DGKI: variants seen among roughly 807,000 people sequenced by gnomAD.
DGKI encodes the protein diacylglycerol kinase iota.
A neutral mutation model predicts 147.5 loss-of-function variants in DGKI; 55 were observed. The ratio of observed to expected loss-of-function variants is 0.37; its 90% CI spans 0.30 to 0.47. The LOEUF (loss-of-function observed/expected upper bound fraction) is 0.47. Among genes scored for constraint, DGKI ranks in the 20% least tolerant of loss-of-function variants. The pLI is 1.00. For missense variants in DGKI, 1,007 were observed against 1,323.8 expected, an observed-to-expected ratio of 0.76 and a Z score of 3.71; for synonymous variants, 469 against 477.1, an observed-to-expected ratio of 0.98 and a Z score of 0.22.
rs200988778 is a variant in DGKI at position 137,623,717 on chromosome 7, T to TC, written c.805-164dup. ...AAAGGCCACATTGAGCACCACACTC[T>TC]CCACTTTCTGCCTGCAATGATTTTC... On this transcript the variant is annotated intron_variant, in intron 6 of 32. Coordinates refer to ENST00000614521, the MANE Select transcript of DGKI (RefSeq NM_001321708.2). Among the ~76,000 whole-genome samples, 1,318 of 152,248 alleles carry TC rather than the reference T, an allele frequency of 8.7e-3. 24 individuals are homozygous for TC. Among genetic ancestry groups the TC allele is most frequent in the African/African-American group, 0.03 (1,243 of 41,528 alleles).
intron 23 of DGKI, among the ~76,000 whole-genome samples, chr7:137,478,628 T>G (rs1468100915): frequency 1.3e-5 from 2 of 152,198 alleles, no homozygotes; most frequent in African/African-American, 2.4e-5. Context: ...AAGGATTCCT[T>G]GATTCAGGGG....
intron 12 of DGKI, among the ~76,000 whole-genome samples, chr7:137,587,749 C>T (rs762428935): frequency 6.6e-6 from 1 of 152,082 alleles, no homozygotes; most frequent in Non-Finnish European, 1.5e-5. Flanking sequence ...TAAATGGTTG[C>T]CCTCTATAGT....
At chr7:137,403,926 A>G (rs1042539333) in intron 30 of DGKI, among the ~76,000 whole-genome samples, 1 of 152,204 alleles carries the variant, frequency 6.6e-6, no homozygotes, top group African/African-American at 2.4e-5. Flanking sequence ...TAAAAATACA[A>G]TGCCATAGTC....
At chr7:137,424,115 T>G (rs1812687358) in intron 28 of DGKI, among the ~76,000 whole-genome samples, 1 of 152,188 alleles carries the variant, frequency 6.6e-6, no homozygotes, top group Non-Finnish European at 1.5e-5. Context: ...ATTAAGCATT[T>G]TATTTCAGAA....
intron 18 of DGKI, among the ~76,000 whole-genome samples, chr7:137,572,208 G>A (rs1818817204): frequency 3.3e-5 from 5 of 152,154 alleles, no homozygotes; most frequent in Admixed American, 3.3e-4. Context: ...CATAATTTAT[G>A]CCACTGAGAT....
chr7:137,557,914 C>T (rs1163950634), intron 19 of DGKI, among the ~76,000 whole-genome samples: 1 of 152,196 alleles, frequency 6.6e-6, no homozygotes, highest in African/African-American at 2.4e-5. Context: ...ATAACACCAT[C>T]TTCTCTCGCT....
At chr7:137,466,169 C>T (rs932505727) in intron 25 of DGKI, 134 bp from the exon 26 acceptor site, 12 of 1,084,224 alleles carry the variant, frequency 1.1e-5, no homozygotes, top group Non-Finnish European at 1.5e-5. Context: ...TGGTGATCCT[C>T]CCCAAAGCTG....
rs1456889630 is a variant in DGKI, at chr7:137,387,948, G to T, written c.*3272C>A. On this transcript the variant is annotated 3_prime_UTR_variant, in exon 33 of 33. Coordinates refer to ENST00000614521, the MANE Select transcript of DGKI (RefSeq NM_001321708.2). ...CACTAGGTCCAGATGAAAATGAAGT[G>T]ATGTTGAGTAGCTCCCAGCACAGGC... The T allele has an allele frequency of 1.3e-5, 2 of 152,176 alleles. No individual in the cohort carries two copies. The highest frequency in any genetic ancestry group is 2.9e-5 in the Non-Finnish European group (2 of 68,040). The allele number at this position is 152,176 out of a possible 1,614,324, so 9.4% of individuals were successfully genotyped here.
At chr7:137,586,993 T>G in intron 13 of DGKI, 104 bp downstream of exon 13, 1 of 838,182 alleles carries the variant, frequency 1.2e-6, no homozygotes, top group Non-Finnish European at 1.8e-6. Context: ...AACTTATGCC[T>G]GGGACAGCAG....
chr7:137,415,862 G>A (rs144685329), intron 28 of DGKI, among the ~76,000 whole-genome samples: 2,815 of 152,112 alleles, frequency 0.019, 78 homozygotes, highest in African/African-American at 0.064. Flanking sequence ...GGTGGTGGGC[G>A]CCCGTAATCC....
chr7:137,485,105 G>C (rs1815506524), intron 23 of DGKI, among the ~76,000 whole-genome samples: 1 of 151,940 alleles, frequency 6.6e-6, no homozygotes, highest in African/African-American at 2.4e-5. Flanking sequence ...TTTCAGCTGA[G>C]TTTTCTGGTA....
intron 1 of DGKI, among the ~76,000 whole-genome samples, chr7:137,834,787 A>G (rs1053508414): frequency 6.6e-6 from 1 of 152,246 alleles, no homozygotes; most frequent in African/African-American, 2.4e-5. Flanking sequence ...GATGGCAGAA[A>G]TGCCTTTTAT....
At chr7:137,626,038 G>A (rs969998974) in intron 6 of DGKI, among the ~76,000 whole-genome samples, 1 of 152,166 alleles carries the variant, frequency 6.6e-6, no homozygotes, top group Non-Finnish European at 1.5e-5. Context: ...CACATCCTGT[G>A]TGACTCTCCT....
chr7:137,475,726 C>G (rs1408276593), intron 23 of DGKI, among the ~76,000 whole-genome samples: 4 of 152,196 alleles, frequency 2.6e-5, no homozygotes, highest in Non-Finnish European at 5.9e-5. Context: ...GCTCTGCATG[C>G]TTCTTTCTGG....
chr7:137,717,369 T>G (rs1311710760), intron 1 of DGKI, among the ~76,000 whole-genome samples: 1 of 152,092 alleles, frequency 6.6e-6, no homozygotes, highest in Middle Eastern at 3.2e-3. Flanking sequence ...AAATTAGAAC[T>G]CTATTTAAAG....
At chr7:137,426,523 T>A (rs111253664) in intron 28 of DGKI, among the ~76,000 whole-genome samples, 2,069 of 152,234 alleles carry the variant, frequency 0.014, 61 homozygotes, top group East Asian at 0.095. Context: ...AACATCATAA[T>A]GACAGGATCA....
intron 2 of DGKI, among the ~76,000 whole-genome samples, chr7:137,685,499 T>C (rs1823384578): frequency 1.3e-5 from 2 of 152,292 alleles, no homozygotes; most frequent in South Asian, 4.1e-4. Context: ...AAGGGAGACA[T>C]GTGACATTTA....
At chr7:137,715,344 T>G (rs947822428) in intron 1 of DGKI, among the ~76,000 whole-genome samples, 3 of 152,112 alleles carry the variant, frequency 2.0e-5, no homozygotes, top group African/African-American at 7.2e-5. Flanking sequence ...ACCTACAAAA[T>G]TAGAAGCTCT....
intron 6 of DGKI, among the ~76,000 whole-genome samples, chr7:137,638,538 A>ATG (rs1225659960): frequency 5.8e-5 from 7 of 119,674 alleles, no homozygotes; most frequent in East Asian, 2.7e-4. Context: ...ACACACATAT[A>ATG]TGTATATATA....
Sources: gnomAD v4.1 joint callset for allele counts (sites outside exome capture counted in the v4.1 genomes callset) on GRCh38, gnomAD v4.1.1 for gene constraint, MANE v1.5 for transcripts, NCBI Gene and HGNC (gene_info 2026-07-23, HGNC 2026-07-21) for gene names.